LRRC75B: variants seen among roughly 807,000 people sequenced by gnomAD.
LRRC75B encodes the protein leucine rich repeat containing 75B.
LRRC75B carries 20 observed loss-of-function variants against 16.5 expected under a neutral mutation model. The ratio of observed to expected loss-of-function variants is 1.21; its 90% CI spans 0.85 to 1.76. The LOEUF is 1.76. LRRC75B is among the 40% of genes most tolerant of loss of function. The probability of loss-of-function intolerance (pLI) is 0.00; values close to 1 mark genes in which losing one functional copy is unlikely to be tolerated. For missense variants in LRRC75B, 406 were observed against 417.0 expected, an observed-to-expected ratio of 0.97 and a Z score of 0.23; for synonymous variants, 199 against 198.1, an observed-to-expected ratio of 1.00 and a Z score of -0.04.
intron 1 of LRRC75B, among the ~76,000 whole-genome samples, chr22:24,590,246 GC>G (rs1258071583): frequency 6.6e-6 from 1 of 152,094 alleles, no homozygotes; most frequent in African/African-American, 2.4e-5. Flanking sequence ...TCCCACTTCA[GC>G]CTCCTGAGGA....
In LRRC75B at chr22:24,588,252, C is replaced by T; in HGVS notation, c.384G>A (p.Gln128=). The stretch of plus-strand genomic sequence containing the variant: ...TCCTCTGGCGCAGGCTGGACCCTTG[C>T]TGCTGCTTCGAGTGAGGGGTGAGGT... ...IYHLTPHSKQ[Q]QGSSLRQRKT... The change falls in exon 3 of 4, where the codon CAG becomes CAA. Residue 128 remains glutamine (Q), a synonymous_variant. Transcript: ENST00000318753. The T allele has an allele frequency of 6.2e-7, 1 of 1,613,530 alleles. No individual in the cohort carries two copies. The highest frequency in any genetic ancestry group is 8.5e-7 in the Non-Finnish European group (1 of 1,179,860).
chr22:24,592,358 T>C lies in LRRC75B; in HGVS notation c.177+505A>G, dbSNP rs1569039294. 1.1e-5 allele frequency: 5 copies of C among 470,768 alleles called. 1 individual carries two copies. Among genetic ancestry groups the C allele is most frequent in the South Asian group, 7.7e-5 (5 of 64,544 alleles). 29.2% of individuals were successfully genotyped at this position (470,768 alleles called of 1,614,324 possible). On this transcript the variant is annotated intron_variant, in intron 1 of 3. Transcript: ENST00000318753. ...CTCTCTGTGGGCTGCCATGGTGTCT[T>C]GGGGTGAGGCTGCATCCCTAGACCA...
chr22:24,585,943 G>C lies in LRRC75B; in HGVS notation c.891C>G (p.Thr297=). ...SAAGATTPAS[T]WDSTAAGLGP... is the part of the protein sequence containing the mutation. ...CCAGCCCAGCAGCTGTGGAGTCCCA[G>C]GTGGAGGCAGGGGTGGTGGCCCCGG... is the stretch of plus-strand genomic sequence containing the variant. The change falls in exon 4 of 4, where the codon ACC becomes ACG. Residue 297 remains threonine, a synonymous_variant. Coordinates refer to ENST00000318753, the MANE Select transcript of LRRC75B (RefSeq NM_207644.3). The C allele has an allele frequency of 6.2e-7, 1 of 1,609,316 alleles. No homozygotes were observed. Among genetic ancestry groups the C allele is most frequent in the African/African-American group, 1.3e-5 (1 of 75,060 alleles).
chr22:24,588,257 G>C lies in LRRC75B; in HGVS notation c.379C>G (p.Gln127Glu). Residue 127 changes from glutamine (Q) to glutamate (E), a missense_variant, in exon 3 of 4, where the codon CAG (glutamine) becomes GAG (glutamate). Coordinates refer to ENST00000318753, the MANE Select transcript of LRRC75B (RefSeq NM_207644.3). The part of the protein sequence containing the change: ...LIYHLTPHSK[Q>E]QQGSSLRQRK... ...TGGCGCAGGCTGGACCCTTGCTGCT[G>C]CTTCGAGTGAGGGGTGAGGTGGTAG... 6.2e-7 allele frequency: 1 copy of C among 1,613,584 alleles called. No homozygotes were observed. Among genetic ancestry groups the C allele is most frequent in the Non-Finnish European group, 8.5e-7 (1 of 1,179,882 alleles).
In LRRC75B at chr22:24,592,959, G is replaced by A; in HGVS notation, c.81C>T (p.Pro27=). 3.3e-6 allele frequency: 4 copies of A among 1,203,508 alleles called. No individual in the cohort carries two copies. Among genetic ancestry groups the A allele is most frequent in the Non-Finnish European group, 4.1e-6 (4 of 967,782 alleles). 74.6% of individuals were successfully genotyped at this position (1,203,508 alleles called of 1,614,324 possible). A position where few individuals can be genotyped will look rare whatever the true frequency, so the allele number is the denominator to read the frequency against. ...GGAGCCACCGCACCCGGCGCTCGTA[G>A]GGCGCGGGCCCGCAGCCGGCCGCCG... ...AGAAAGCGPA[P]YERRVRWLRE... The change falls in exon 1 of 4, where the codon CCC becomes CCT. Residue 27 remains proline (P), a synonymous_variant. Transcript: ENST00000318753.
In LRRC75B at chr22:24,592,898, C is replaced by A. The variant is rs747416487; in HGVS notation, c.142G>T (p.Glu48Ter). Residue 48 changes from glutamate to a stop codon, truncating the protein, a stop_gained, in exon 1 of 4, where the codon GAG (glutamate) becomes TAG (stop). Coordinates refer to ENST00000318753, the MANE Select transcript of LRRC75B (RefSeq NM_207644.3). LOFTEE classifies it high-confidence loss of function. ...AGGCGCAGCAGCTGCCGGGCGCGCTCCGGCCGCCGCTCGCGGAGCGTGGAC... is the reference window on the plus strand; with the variant it reads ...AGGCGCAGCAGCTGCCGGGCGCGCTACGGCCGCCGCTCGCGGAGCGTGGAC... ...IQSTLRERRP[E>*]RARQLLRLLR... 2 of 1,281,132 alleles carry A rather than the reference C, an allele frequency of 1.6e-6. No individual in the cohort carries two copies. Among genetic ancestry groups the A allele is most frequent in the Non-Finnish European group, 2.0e-6 (2 of 1,013,482 alleles). The allele number at this position is 1,281,132 out of a possible 1,614,324, so 79.4% of individuals were successfully genotyped here.
chr22:24,588,835 TG>T (rs2045482288), intron 2 of LRRC75B: 1 of 1,012,014 alleles, frequency 9.9e-7, no homozygotes, highest in African/African-American at 1.7e-5. Flanking sequence ...CTGACAGGGC[TG>T]GGGGATGTAA....
Position 24,591,230 on chromosome 22 carries a change from C to A in LRRC75B, c.178-1281G>T, listed in dbSNP as rs866605528. On this transcript the variant is annotated intron_variant, in intron 1 of 3. Transcript: ENST00000318753. ...GAGTAGCTGGGATTGCAGGCATGTG[C>A]CACCACGCCCAGCTAATTTTGTATT... Among the ~76,000 whole-genome samples, 38 of 152,374 alleles carry A rather than the reference C, an allele frequency of 2.5e-4. 1 individual carries two copies. Among genetic ancestry groups the A allele is most frequent in the Non-Finnish European group, 3.1e-4 (21 of 68,038 alleles).
intron 1 of LRRC75B, 65 bp from the exon 2 acceptor site, chr22:24,590,014 G>A: frequency 6.8e-7 from 1 of 1,477,434 alleles, no homozygotes; most frequent in East Asian, 2.6e-5. Context: ...CACCACCCCA[G>A]CCAGCCAGAT....
intron 1 of LRRC75B, chr22:24,592,368 C>G: frequency 2.1e-6 from 1 of 470,822 alleles, no homozygotes; most frequent in Non-Finnish European, 4.4e-6. Context: ...TGGGGTGAGG[C>G]TGCATCCCTA....
intron 2 of LRRC75B, chr22:24,588,550 C>T: frequency 1.3e-6 from 1 of 765,440 alleles, no homozygotes; most frequent in South Asian, 2.0e-5. Context: ...CAGGCTGGTC[C>T]AGTCCCGCAG....
chr22:24,586,285 C>T lies in LRRC75B; in HGVS notation c.549G>A (p.Ala183=), dbSNP rs182487665. Residue 183 remains alanine, a synonymous_variant, in exon 4 of 4, where the codon GCG becomes GCA. Transcript: ENST00000318753. ...RYLSSHGAVL[A]VLDLSFTGLS... Reference sequence around the variant, plus strand: ...GCCCCGTGAAGCTCAGGTCCAGCACCGCCAGCACAGCACCATGGCTGCTCA... The same window carrying T: ...GCCCCGTGAAGCTCAGGTCCAGCACTGCCAGCACAGCACCATGGCTGCTCA... 5.8e-4 allele frequency: 929 copies of T among 1,613,966 alleles called. 8 individuals are homozygous for T. Among genetic ancestry groups the T allele is most frequent in the African/African-American group, 3.7e-3 (281 of 75,066 alleles).
At chr22:24,588,945 T>A (rs2045484658) in intron 2 of LRRC75B, 18 of 1,004,546 alleles carry the variant, frequency 1.8e-5, no homozygotes, top group Non-Finnish European at 2.1e-5. Context: ...CCCACAAAGC[T>A]GGCACTGAGC....
intron 1 of LRRC75B, among the ~76,000 whole-genome samples, chr22:24,591,504 C>T (rs1326480409): frequency 6.6e-6 from 1 of 152,208 alleles, no homozygotes; most frequent in Non-Finnish European, 1.5e-5. Flanking sequence ...GTCCCAAGCA[C>T]AGGAAGTTGG....
Position 24,586,090 on chromosome 22 carries a change from G to T in LRRC75B, c.744C>A (p.Asn248Lys). 1 of 1,612,622 alleles carries T rather than the reference G, an allele frequency of 6.2e-7. No homozygotes were observed. Among genetic ancestry groups the T allele is most frequent in the Non-Finnish European group, 8.5e-7 (1 of 1,179,960 alleles). The part of the protein sequence containing the change: ...FPALAWVDLG[N>K]NVDVASLPQP... ...GGGGCAGGGAAGCCACATCCACGTTGTTGCCCAGGTCCACCCAAGCCAAAG... is the reference window on the plus strand; with the variant it reads ...GGGGCAGGGAAGCCACATCCACGTTTTTGCCCAGGTCCACCCAAGCCAAAG... The change falls in exon 4 of 4, where the codon AAC (asparagine) becomes AAA (lysine). Residue 248 changes from asparagine (N) to lysine (K), a missense_variant. By Grantham distance (94) the Asn-to-Lys change is moderately conservative. Coordinates refer to ENST00000318753, the MANE Select transcript of LRRC75B (RefSeq NM_207644.3).
chr22:24,588,627 T>A, intron 2 of LRRC75B: 1 of 1,082,342 alleles, frequency 9.2e-7, no homozygotes, highest in Non-Finnish European at 1.2e-6. Flanking sequence ...GGCCAGCGTC[T>A]CGGGCTATCA....
rs752904823 is a variant in LRRC75B, at chr22:24,588,268, G to C, written c.368C>G (p.Pro123Arg). 10 of 1,613,536 alleles carry C rather than the reference G, an allele frequency of 6.2e-6. No homozygotes were observed. Among genetic ancestry groups the C allele is most frequent in the South Asian group, 3.3e-5 (3 of 90,890 alleles). Reference sequence around the variant, plus strand: ...GGACCCTTGCTGCTGCTTCGAGTGAGGGGTGAGGTGGTAGATGAGCTGTCG... The same window carrying C: ...GGACCCTTGCTGCTGCTTCGAGTGACGGGTGAGGTGGTAGATGAGCTGTCG... ...ICRQLIYHLT[P>R]HSKQQQGSSL... Residue 123 changes from proline (P) to arginine (R), a missense_variant, in exon 3 of 4, where the codon CCT becomes CGT. Pro to Arg is a moderately radical substitution (Grantham distance 103). Transcript: ENST00000318753.
At chr22:24,592,725 T>G (rs975266508) in intron 1 of LRRC75B, 138 bp downstream of exon 1, 16 of 1,298,772 alleles carry the variant, frequency 1.2e-5, no homozygotes, top group African/African-American at 3.1e-5. Context: ...GGAACCCGCC[T>G]GCGCGCGCCA....
intron 3 of LRRC75B, among the ~76,000 whole-genome samples, 165 bp downstream of exon 3, chr22:24,588,048 CT>C (rs1301884140): frequency 6.6e-6 from 1 of 152,152 alleles, no homozygotes; most frequent in East Asian, 1.9e-4. Context: ...GGAGCATCTG[CT>C]ACCACGGGCC....
Sources: allele counts gnomAD v4.1 joint callset (sites outside exome capture counted in the v4.1 genomes callset), GRCh38; gene constraint gnomAD v4.1.1; transcripts MANE v1.5; gene names NCBI Gene and HGNC (gene_info 2026-07-23, HGNC 2026-07-21).